PPP1R13L: variants seen among roughly 807,000 people sequenced by gnomAD.
The protein encoded by PPP1R13L is relA-associated inhibitor.
A neutral mutation model predicts 80.9 loss-of-function variants in PPP1R13L; 50 were observed. The ratio of observed to expected loss-of-function variants is 0.62; its 90% CI spans 0.49 to 0.78. The LOEUF is 0.78. Ranked by LOEUF, PPP1R13L falls within the 30% of genes least tolerant of loss-of-function variation. PPP1R13L has a pLI of 0.00. For missense variants in PPP1R13L, 1,200 were observed against 1,205.9 expected (o/e 1.00, Z 0.07); for synonymous variants, 602 against 534.3 (o/e 1.13, Z -1.75).
At chr19:45,384,689 T>TA (rs1484620510) in intron 11 of PPP1R13L, among the ~76,000 whole-genome samples, 1 of 151,734 alleles carries the variant, frequency 6.6e-6, no homozygotes, top group African/African-American at 2.4e-5. Context: ...CCTTCTGTAC[T>TA]AAAAATACAA....
chr19:45,397,074 G>T lies in PPP1R13L; in HGVS notation c.199-16C>A. The T allele has an allele frequency of 7.7e-7, 1 of 1,296,998 alleles. No individual in the cohort carries two copies. The highest frequency in any genetic ancestry group is 9.8e-7 in the Non-Finnish European group (1 of 1,022,726). 80.3% of individuals were successfully genotyped at this position (1,296,998 alleles called of 1,614,324 possible). A position where few individuals can be genotyped will look rare whatever the true frequency, so the allele number is the denominator to read the frequency against. On this transcript the variant is annotated splice_polypyrimidine_tract_variant and intron_variant, in intron 3 of 12. Transcript: ENST00000360957. ...ACCGGGGCGGCTGTGGGGAGGCCAGGGCATTGAGGGATGGATCAAAGGAGA... is the reference window on the plus strand; with the variant it reads ...ACCGGGGCGGCTGTGGGGAGGCCAGTGCATTGAGGGATGGATCAAAGGAGA...
Position 45,396,525 on chromosome 19 carries a change from C to A in PPP1R13L, c.712+20G>T. 2 of 1,589,684 alleles carry A rather than the reference C, an allele frequency of 1.3e-6. No individual in the cohort carries two copies. Among genetic ancestry groups the A allele is most frequent in the Non-Finnish European group, 1.7e-6 (2 of 1,170,902 alleles). Reference sequence around the variant, plus strand: ...TTGACCCCGCGAGTCAAAGGCCCCGCGAGGGGCCCCTGGGTTCACCTTGCG... The same window carrying A: ...TTGACCCCGCGAGTCAAAGGCCCCGAGAGGGGCCCCTGGGTTCACCTTGCG... On this transcript the variant is annotated intron_variant, in intron 4 of 12. Coordinates refer to ENST00000360957, the MANE Select transcript of PPP1R13L (RefSeq NM_006663.4). This position sits in a 1 kb window ranked among gnomAD's most constrained non-coding sequence, Gnocchi z 5.3.
intron 8 of PPP1R13L, among the ~76,000 whole-genome samples, chr19:45,390,520 G>C (rs1175919173): frequency 6.6e-6 from 1 of 152,128 alleles, no homozygotes; most frequent in African/African-American, 2.4e-5. Flanking sequence ...GTAGCCCCCA[G>C]TCACGTTCCT....
intron 12 of PPP1R13L, 126 bp downstream of exon 12, chr19:45,382,401 C>T (rs1972780001): frequency 8.6e-7 from 1 of 1,166,914 alleles, no homozygotes; most frequent in African/African-American, 1.5e-5. Context: ...CAATAATGAG[C>T]TTTTCAGACC....
intron 11 of PPP1R13L, among the ~76,000 whole-genome samples, chr19:45,383,741 A>G (rs945781942): frequency 6.6e-6 from 1 of 152,014 alleles, no homozygotes; most frequent in African/African-American, 2.4e-5. Context: ...AAGTTGGCTC[A>G]TCTGCCTCTT....
At chr19:45,402,031 A>G (rs909150371) in intron 1 of PPP1R13L, 1 of 152,148 alleles carries the variant, frequency 6.6e-6, no homozygotes, top group African/African-American at 2.4e-5. Flanking sequence ...TGGGGATGAA[A>G]GTTCACCTCA....
Position 45,392,178 on chromosome 19 carries a change from T to C in PPP1R13L, c.1517A>G (p.Glu506Gly), listed in dbSNP as rs1972989247. 1 of 1,608,616 alleles carries C rather than the reference T, an allele frequency of 6.2e-7. No individual in the cohort carries two copies. ...ALPPEAQSVP[E>G]LEEVARVLAE... ...CAACACCCGTGCCACCTCCTCCAGC[T>C]CGGGCACCGACTGTGCCTCCGGTGG... is the stretch of plus-strand genomic sequence containing the variant. The change falls in exon 8 of 13, where the codon GAG becomes GGG. Residue 506 changes from glutamate to glycine, a missense_variant. Around this residue, in one of 5 missense-constraint regions of PPP1R13L, gnomAD observed 53 missense variants for 96.5 expected, o/e 0.55. Coordinates refer to ENST00000360957, the MANE Select transcript of PPP1R13L (RefSeq NM_006663.4).
chr19:45,404,707 C>G (rs1428063209), intron 1 of PPP1R13L, among the ~76,000 whole-genome samples: 1 of 152,142 alleles, frequency 6.6e-6, no homozygotes, highest in Non-Finnish European at 1.5e-5. Flanking sequence ...CCTATACTAC[C>G]CAAAGACTCG....
At chr19:45,398,423 G>A (rs1444039472) in intron 1 of PPP1R13L, 84 bp from the exon 2 acceptor site, 1 of 1,339,860 alleles carries the variant, frequency 7.5e-7, no homozygotes, top group East Asian at 2.5e-5. Context: ...GTCAGGAGCG[G>A]GACAACGCCT....
At position 45,385,858 on chromosome 19, in the gene PPP1R13L, C is replaced by G; in HGVS notation, c.2047G>C (p.Gly683Arg). The G allele has an allele frequency of 6.2e-7, 1 of 1,610,960 alleles. No individual in the cohort carries two copies. The highest frequency in any genetic ancestry group is 8.5e-7 in the Non-Finnish European group (1 of 1,178,834). The change falls in exon 10 of 13, where the codon GGT becomes CGT. Residue 683 changes from glycine (G) to arginine (R), a missense_variant. Physicochemically the swap from Gly to Arg is moderately radical, Grantham distance 125. Transcript: ENST00000360957. The stretch of plus-strand genomic sequence containing the variant: ...CTGTCGGGGGAGTTGACATTGGCAC[C>G]CGCGGTGATGAGGAAATCCACGATA... ...YSIVDFLITA[G>R]ANVNSPDSHG...
chr19:45,397,967 A>G, intron 3 of PPP1R13L, 38 bp downstream of exon 3: 1 of 1,585,972 alleles, frequency 6.3e-7, no homozygotes, highest in Non-Finnish European at 8.6e-7. Context: ...CTGTGGCGAG[A>G]GGCTGGCTTT....
chr19:45,389,515 T>C (rs949662840), intron 8 of PPP1R13L, among the ~76,000 whole-genome samples: 1 of 152,118 alleles, frequency 6.6e-6, no homozygotes, highest in Non-Finnish European at 1.5e-5. Context: ...ACTACATTAA[T>C]GTATTTAATC....
intron 1 of PPP1R13L, among the ~76,000 whole-genome samples, chr19:45,400,342 C>T (rs1394760075): frequency 6.6e-6 from 1 of 151,948 alleles, no homozygotes; most frequent in Non-Finnish European, 1.5e-5. Flanking sequence ...AGGCCAGCAC[C>T]ATCCCTATCC....
chr19:45,396,135 C>T lies in PPP1R13L; in HGVS notation c.903+33G>A. On this transcript the variant is annotated intron_variant, in intron 6 of 12. Coordinates refer to ENST00000360957, the MANE Select transcript of PPP1R13L (RefSeq NM_006663.4). The surrounding 1 kb of genome is among the most constrained non-coding windows in gnomAD (Gnocchi z 5.3). ...CCCCCACCCCACTCCTCGACCTTCC[C>T]CAGCCTCTCCTCCCCAGGCGTCGCC... 6.4e-7 allele frequency: 1 copy of T among 1,567,364 alleles called. No individual in the cohort carries two copies. The highest frequency in any genetic ancestry group is 8.6e-7 in the Non-Finnish European group (1 of 1,158,036).
chr19:45,399,451 C>T (rs566498071), intron 1 of PPP1R13L, among the ~76,000 whole-genome samples: 223 of 149,174 alleles, frequency 1.5e-3, no homozygotes, highest in African/African-American at 5.1e-3. Context: ...GGTGAAACCC[C>T]GTCTCTACTA....
rs752605602 is a variant in PPP1R13L at position 45,396,421 on chromosome 19, C to T, written c.728G>A (p.Arg243His). 8.1e-6 allele frequency: 13 copies of T among 1,613,788 alleles called. No individual in the cohort carries two copies. The highest frequency in any genetic ancestry group is 1.7e-5 in the Admixed American group (1 of 59,960). The change falls in exon 5 of 13, where the codon CGC becomes CAC. Residue 243 changes from arginine to histidine, a missense_variant. By Grantham distance (29) the Arg-to-His change is conservative. Transcript: ENST00000360957. This position sits in a 1 kb window ranked among gnomAD's most constrained non-coding sequence, Gnocchi z 5.3. ...GTTCCAGGCTTTCGGAGGCCGCCGG[C>T]GCAGCGTCAGGTCGTCTGGGGAGAA... ...PLRAQDDLTLRRRPPKAWNES... is the reference protein window; with the variant it reads ...PLRAQDDLTLHRRPPKAWNES...
Position 45,380,012 on chromosome 19 carries a change from T to C in PPP1R13L, c.*178A>G. On this transcript the variant is annotated 3_prime_UTR_variant, in exon 13 of 13. Coordinates refer to ENST00000360957, the MANE Select transcript of PPP1R13L (RefSeq NM_006663.4). ...CCCAAGGCTAAGGCAGATTACTAAA[T>C]TTAAGGCTGGGGCCCTCCTTCTTCC... is the stretch of plus-strand genomic sequence containing the variant. 1.4e-6 allele frequency: 1 copy of C among 693,736 alleles called. No individual in the cohort carries two copies. Among genetic ancestry groups the C allele is most frequent in the East Asian group, 2.6e-5 (1 of 37,874 alleles). 43.0% of individuals were successfully genotyped at this position (693,736 alleles called of 1,614,324 possible).
intron 8 of PPP1R13L, among the ~76,000 whole-genome samples, chr19:45,388,909 T>C (rs1010055894): frequency 6.6e-6 from 1 of 151,958 alleles, no homozygotes; most frequent in Non-Finnish European, 1.5e-5. Context: ...AGCTAATTTT[T>C]GTATTTTTAG....
chr19:45,386,631 CTTTTTT>C (rs34881055), intron 8 of PPP1R13L, among the ~76,000 whole-genome samples: 1 of 133,628 alleles, frequency 7.5e-6, no homozygotes, highest in Non-Finnish European at 1.6e-5. Flanking sequence ...TTCTTTTTCT[CTTTTTT>C]TTTTTTTTTT....
Sources: gnomAD v4.1 joint callset for allele counts (sites outside exome capture counted in the v4.1 genomes callset) on GRCh38, gnomAD v4.1.1 for gene constraint, gnomAD v4.1.1 regional missense constraint, Gnocchi (gnomAD v3.1) non-coding constraint, MANE v1.5 for transcripts, NCBI Gene and HGNC (gene_info 2026-07-23, HGNC 2026-07-21) for gene names.